ZFAND3: variants seen among roughly 807,000 people sequenced by gnomAD.
ZFAND3 encodes AN1-type zinc finger protein 3.
ZFAND3 carries 10 observed loss-of-function variants against 29.6 expected under a neutral mutation model. The observed-to-expected ratio is 0.34, with a 90% CI of 0.21 to 0.57. ZFAND3 has a LOEUF of 0.57. ZFAND3 is among the 20% of genes least tolerant of loss of function. ZFAND3 has a pLI of 0.86. For missense variants in ZFAND3, 230 were observed against 304.5 expected (o/e 0.76, Z 1.82); for synonymous variants, 128 against 112.6 (o/e 1.14, Z -0.87).
intron 2 of ZFAND3, among the ~76,000 whole-genome samples, chr6:38,019,117 G>A (rs143200964): frequency 0.012 from 1,815 of 152,050 alleles, 16 homozygotes; most frequent in Middle Eastern, 0.031. Flanking sequence ...CTGCCACTAC[G>A]CCCAGCTGAT....
chr6:37,964,673 A>G (rs897454924), intron 2 of ZFAND3, among the ~76,000 whole-genome samples: 2 of 152,136 alleles, frequency 1.3e-5, no homozygotes, highest in Admixed American at 1.3e-4. Context: ...AAGCCAAAAT[A>G]CCCATATTCA....
At chr6:38,066,622 TA>T (rs1308945180) in intron 3 of ZFAND3, among the ~76,000 whole-genome samples, 1 of 152,234 alleles carries the variant, frequency 6.6e-6, no homozygotes, top group African/African-American at 2.4e-5. Flanking sequence ...AAGGTTTTAT[TA>T]TTTTTTTTCC....
At chr6:38,106,596 A>C (rs575843022) in intron 4 of ZFAND3, among the ~76,000 whole-genome samples, 4 of 152,114 alleles carry the variant, frequency 2.6e-5, no homozygotes, top group Admixed American at 1.3e-4. Flanking sequence ...TCTACTTCTT[A>C]AGCACCCCAT....
At chr6:37,903,943 A>G (rs898908585) in intron 1 of ZFAND3, among the ~76,000 whole-genome samples, 1 of 152,162 alleles carries the variant, frequency 6.6e-6, no homozygotes, top group Non-Finnish European at 1.5e-5. Flanking sequence ...AAAAAGAAAC[A>G]AACTACTTGG....
At chr6:38,024,168 G>A (rs905613713) in intron 2 of ZFAND3, among the ~76,000 whole-genome samples, 6 of 151,996 alleles carry the variant, frequency 3.9e-5, no homozygotes, top group African/African-American at 1.4e-4. Flanking sequence ...ATTCAAAACA[G>A]GTGTATAAAA....
intron 2 of ZFAND3, among the ~76,000 whole-genome samples, chr6:38,054,214 C>G (rs1291206267): frequency 8.1e-6 from 1 of 122,764 alleles, no homozygotes; most frequent in Non-Finnish European, 1.7e-5. Flanking sequence ...GACTCCATCT[C>G]TATCAAAAAA....
intron 4 of ZFAND3, among the ~76,000 whole-genome samples, chr6:38,083,859 C>A (rs1386547315): frequency 6.6e-6 from 1 of 152,028 alleles, no homozygotes; most frequent in Non-Finnish European, 1.5e-5. Context: ...CCTCTCTGAT[C>A]CTATACTATT....
intron 1 of ZFAND3, among the ~76,000 whole-genome samples, chr6:37,839,766 G>GC (rs1484289397): frequency 3.9e-5 from 6 of 151,900 alleles, no homozygotes; most frequent in Admixed American, 1.3e-4. Flanking sequence ...ACCTGCCTCC[G>GC]CCTCCCAAAG....
At chr6:37,963,842 A>G (rs1189792412) in intron 2 of ZFAND3, among the ~76,000 whole-genome samples, 1 of 152,220 alleles carries the variant, frequency 6.6e-6, no homozygotes, top group African/African-American at 2.4e-5. Flanking sequence ...GTACTCTCTC[A>G]TACAGCAACA....
rs575253269 is a variant in ZFAND3, at chr6:37,924,942, G to A, written c.72-5017G>A. ...ATTTGGGGGTACAGGGAACAGCATG[G>A]GCATGAGCCCTACAGCACAGTCAGA... On this transcript the variant is annotated intron_variant, in intron 1 of 5. Transcript: ENST00000287218. 7.9e-5 allele frequency among the ~76,000 whole-genome samples: 12 copies of A among 152,192 alleles called. No individual in the cohort carries two copies. The South Asian group carries it at 2.5e-3, about 32-fold the overall frequency.
intron 2 of ZFAND3, among the ~76,000 whole-genome samples, chr6:37,976,758 G>A (rs2127430651): frequency 6.6e-6 from 1 of 152,206 alleles, no homozygotes; most frequent in East Asian, 1.9e-4. Context: ...TGAGAAAGAG[G>A]AAGGGCCACA....
At position 37,945,638 on chromosome 6, in the gene ZFAND3, G is replaced by A. The variant is rs566272424; in HGVS notation, c.112+15639G>A. On this transcript the variant is annotated intron_variant, in intron 2 of 5. Transcript: ENST00000287218. ...GATCCACCTGCCTTGGCCTCCCAAAGTGTTAGGATTATAGGTGTGAGCCAT... is the reference window on the plus strand; with the variant it reads ...GATCCACCTGCCTTGGCCTCCCAAAATGTTAGGATTATAGGTGTGAGCCAT... Among the ~76,000 whole-genome samples the A allele has an allele frequency of 1.2e-4, 19 of 152,300 alleles. No homozygotes were observed. In the East Asian group the frequency reaches 3.7e-3, roughly 29 times the overall value.
At chr6:38,138,795 C>CT (rs1228033807) in intron 5 of ZFAND3, among the ~76,000 whole-genome samples, 1 of 152,164 alleles carries the variant, frequency 6.6e-6, no homozygotes, top group Admixed American at 6.5e-5. Context: ...AGGAGATAAA[C>CT]TAACAGAGGT....
intron 2 of ZFAND3, among the ~76,000 whole-genome samples, chr6:37,947,209 A>G (rs1454935725): frequency 6.6e-6 from 1 of 152,234 alleles, no homozygotes; most frequent in African/African-American, 2.4e-5. Flanking sequence ...TGAATATTTC[A>G]TCTTGTTCTG....
chr6:37,912,311 G>T (rs1255879617), intron 1 of ZFAND3, among the ~76,000 whole-genome samples: 1 of 152,092 alleles, frequency 6.6e-6, no homozygotes, highest in Non-Finnish European at 1.5e-5. Context: ...TGCTCATTAA[G>T]ATTGTGAAAT....
chr6:38,096,864 A>G (rs1764991181), intron 4 of ZFAND3, among the ~76,000 whole-genome samples: 1 of 151,956 alleles, frequency 6.6e-6, no homozygotes, highest in South Asian at 2.1e-4. Flanking sequence ...TTATTTATGT[A>G]TATAATAATT....
intron 2 of ZFAND3, among the ~76,000 whole-genome samples, chr6:38,043,807 T>C (rs1763844582): frequency 6.6e-6 from 1 of 151,628 alleles, no homozygotes; most frequent in South Asian, 2.1e-4. Context: ...CTTGCTTATT[T>C]ATTTATTTAT....
rs1766044129 is a variant in ZFAND3 at position 38,144,210 on chromosome 6, TAATATATAATA to T, written c.530-8024_530-8014del. 3.0e-4 allele frequency among the ~76,000 whole-genome samples: 11 copies of T among 37,052 alleles called. No individual in the cohort carries two copies. The South Asian group carries it at 4.5e-3, about 15-fold the overall frequency. The allele number at this position is 37,052 out of a possible 152,430, so 24.3% of individuals were successfully genotyped here. ...ATATATATATATATATATATATATA[TAATATATAATA>T]TATATATATATTTTTTTTTTAATAA... On this transcript the variant is annotated intron_variant, in intron 5 of 5. Transcript: ENST00000287218.
rs150809375 is a variant in ZFAND3, at chr6:38,149,204, G to T, written c.530-3031G>T. ...GGGAGGAATGCTTGAAGCCAGGAGT[G>T]TGAGACCAGCCTGGGCAACATAGTG... On this transcript the variant is annotated intron_variant, in intron 5 of 5. Coordinates refer to ENST00000287218, the MANE Select transcript of ZFAND3 (RefSeq NM_021943.3). Among the ~76,000 whole-genome samples the T allele has an allele frequency of 3.9e-4, 59 of 152,050 alleles. No homozygotes were observed. In the East Asian group the frequency reaches 0.011, roughly 27 times the overall value.
Sources: gnomAD v4.1 joint callset for allele counts (sites outside exome capture counted in the v4.1 genomes callset) on GRCh38, gnomAD v4.1.1 for gene constraint, MANE v1.5 for transcripts, NCBI Gene and HGNC (gene_info 2026-07-23, HGNC 2026-07-21) for gene names.